BMP6: variants seen among roughly 807,000 people sequenced by gnomAD.
BMP6 encodes VG-1-R.
Under a neutral mutation model 54.1 loss-of-function variants are expected in BMP6, and 17 were observed. That is an observed-to-expected ratio of 0.31 (90% CI 0.22 to 0.47). The LOEUF (loss-of-function observed/expected upper bound fraction) is 0.47, where lower values mean the gene tolerates loss of function less well. Ranked by LOEUF, BMP6 falls within the 20% of genes least tolerant of loss-of-function variation. BMP6 has a pLI of 1.00. For missense variants in BMP6, 720 were observed against 690.4 expected (o/e 1.04, Z -0.48); for synonymous variants, 328 against 291.2 (o/e 1.13, Z -1.28).
intron 4 of BMP6, 113 bp from the exon 5 acceptor site, chr6:7,878,961 A>C: frequency 9.9e-7 from 1 of 1,011,494 alleles, no homozygotes; most frequent in Non-Finnish European, 1.5e-6. Context: ...TGTATCTAGG[A>C]GGCTATCCTG....
intron 2 of BMP6, among the ~76,000 whole-genome samples, chr6:7,845,913 A>G (rs1340986380): frequency 6.6e-6 from 1 of 152,194 alleles, no homozygotes; most frequent in East Asian, 1.9e-4. Flanking sequence ...AAGCATGTGC[A>G]TGGAGCTGCC....
At chr6:7,728,398 G>A (rs1200495134) in intron 1 of BMP6, among the ~76,000 whole-genome samples, 1 of 152,216 alleles carries the variant, frequency 6.6e-6, no homozygotes, top group East Asian at 1.9e-4. Flanking sequence ...TGGGCGCTGA[G>A]CTCCTCTGAA....
chr6:7,801,248 C>A (rs895654449), intron 1 of BMP6, among the ~76,000 whole-genome samples: 3 of 152,106 alleles, frequency 2.0e-5, no homozygotes, highest in Admixed American at 2.0e-4. Context: ...TTCCAAACTG[C>A]TTTGTTTACT....
chr6:7,799,977 A>G (rs1481046037), intron 1 of BMP6, among the ~76,000 whole-genome samples: 2 of 152,140 alleles, frequency 1.3e-5, no homozygotes, highest in African/African-American at 4.8e-5. Context: ...TCCTGAATTG[A>G]TGAAGTTCTA....
intron 1 of BMP6, among the ~76,000 whole-genome samples, chr6:7,810,825 C>A (rs1442427054): frequency 1.3e-5 from 2 of 152,158 alleles, no homozygotes; most frequent in Non-Finnish European, 2.9e-5. Flanking sequence ...TCTCTGCTAC[C>A]TAGGCCAACA....
Position 7,832,060 on chromosome 6 carries a change from G to T in BMP6, c.665-13080G>T, listed in dbSNP as rs1581267752. On this transcript the variant is annotated intron_variant, in intron 1 of 6. Coordinates refer to ENST00000283147, the MANE Select transcript of BMP6 (RefSeq NM_001718.6). ...AAGGTAGACACGCAAACAGCTGATC[G>T]TTTTGGTATAAGGTAGGGGTTTGAT... 1.3e-5 allele frequency among the ~76,000 whole-genome samples: 2 copies of T among 152,272 alleles called. 1 individual carries two copies. The highest frequency in any genetic ancestry group is 4.2e-4 in the South Asian group (2 of 4,818).
intron 1 of BMP6, among the ~76,000 whole-genome samples, chr6:7,751,016 AC>A (rs1376985023): frequency 6.6e-6 from 1 of 152,012 alleles, no homozygotes. Context: ...CTTGGCTACA[AC>A]CCAAAGTTTC....
chr6:7,843,111 A>G (rs971259020), intron 1 of BMP6, among the ~76,000 whole-genome samples: 1 of 152,192 alleles, frequency 6.6e-6, no homozygotes, highest in African/African-American at 2.4e-5. Flanking sequence ...CCTTGAGTGA[A>G]CTTCCCAACA....
intron 1 of BMP6, among the ~76,000 whole-genome samples, chr6:7,841,345 C>G (rs925014533): frequency 2.0e-5 from 3 of 152,158 alleles, no homozygotes; most frequent in African/African-American, 7.2e-5. Flanking sequence ...GAACTCAGCC[C>G]TCTCCCTTTC....
intron 1 of BMP6, among the ~76,000 whole-genome samples, chr6:7,743,893 G>A (rs766231197): frequency 1.3e-5 from 2 of 152,188 alleles, no homozygotes; most frequent in Non-Finnish European, 2.9e-5. Context: ...ATTCCACAAT[G>A]AATTCCTGTC....
At chr6:7,754,415 T>C (rs1389279529) in intron 1 of BMP6, among the ~76,000 whole-genome samples, 1 of 152,174 alleles carries the variant, frequency 6.6e-6, no homozygotes, top group Non-Finnish European at 1.5e-5. Flanking sequence ...AGCCCAAATC[T>C]TTACTGGCTT....
At chr6:7,861,951 T>C (rs1158693438) in intron 3 of BMP6, among the ~76,000 whole-genome samples, 1 of 152,170 alleles carries the variant, frequency 6.6e-6, no homozygotes, top group African/African-American at 2.4e-5. Flanking sequence ...AGGTTTGCAG[T>C]ACCCACTCCT....
In BMP6 at chr6:7,857,435, A is replaced by C. The variant is rs539160958; in HGVS notation, c.858-4016A>C. On this transcript the variant is annotated intron_variant, in intron 2 of 6. Coordinates refer to ENST00000283147, the MANE Select transcript of BMP6 (RefSeq NM_001718.6). ...AGGGTCTGAGTTAGTTGAGAACAAA[A>C]TAGTCAATAACTGCATTAAAAATTA... Among the ~76,000 whole-genome samples the C allele has an allele frequency of 3.3e-5, 5 of 152,334 alleles. No individual in the cohort carries two copies. In the South Asian group the frequency reaches 1.0e-3, roughly 32 times the overall value.
chr6:7,746,449 C>T (rs1043456496), intron 1 of BMP6, among the ~76,000 whole-genome samples: 1 of 152,130 alleles, frequency 6.6e-6, no homozygotes, highest in African/African-American at 2.4e-5. Context: ...TAACATCCCC[C>T]CTCCCGTTTA....
At chr6:7,778,207 G>A (rs974007488) in intron 1 of BMP6, among the ~76,000 whole-genome samples, 2 of 152,102 alleles carry the variant, frequency 1.3e-5, no homozygotes, top group African/African-American at 4.8e-5. Context: ...CAAAGCAGTG[G>A]GTGTACACAG....
Position 7,812,732 on chromosome 6 carries a change from GA to G in BMP6, c.665-32403del, listed in dbSNP as rs542216649. Among the ~76,000 whole-genome samples, 37 of 152,164 alleles carry G rather than the reference GA, an allele frequency of 2.4e-4. No individual in the cohort carries two copies. The South Asian group carries it at 7.5e-3, about 31-fold the overall frequency. On this transcript the variant is annotated intron_variant, in intron 1 of 6. Coordinates refer to ENST00000283147, the MANE Select transcript of BMP6 (RefSeq NM_001718.6). ...TGAATGTAAAATATGTAGAACACAT[GA>G]AAAAGAAACTGAGAAAGAACTATAA...
At chr6:7,842,246 T>A (rs1180942535) in intron 1 of BMP6, among the ~76,000 whole-genome samples, 1 of 152,214 alleles carries the variant, frequency 6.6e-6, no homozygotes, top group African/African-American at 2.4e-5. Context: ...CAAGGCCTCT[T>A]GTGCAGCTGC....
rs1214830452 is a variant in BMP6, at chr6:7,727,096, C to A, written c.141C>A (p.Gly47=). The A allele has an allele frequency of 7.3e-7, 1 of 1,363,578 alleles. No individual in the cohort carries two copies. The highest frequency in any genetic ancestry group is 3.4e-5 in the Admixed American group (1 of 29,290). 84.5% of individuals were successfully genotyped at this position (1,363,578 alleles called of 1,614,324 possible). A position where few individuals can be genotyped will look rare whatever the true frequency, so the allele number is the denominator to read the frequency against. ...AAAGGQLLGD[G]GSPGRTEQPP... is the part of the protein sequence containing the mutation. ...CCGGGGGGCAGCTGCTGGGGGACGG[C>A]GGGAGCCCCGGCCGCACGGAGCAGC... Residue 47 remains glycine, a synonymous_variant, in exon 1 of 7, where the codon GGC becomes GGA. Coordinates refer to ENST00000283147, the MANE Select transcript of BMP6 (RefSeq NM_001718.6).
chr6:7,835,284 G>A (rs1034480169), intron 1 of BMP6, among the ~76,000 whole-genome samples: 4 of 152,068 alleles, frequency 2.6e-5, no homozygotes, highest in African/African-American at 4.8e-5. Context: ...CACCAGGCCC[G>A]GCTAATTTTT....
Sources: allele counts gnomAD v4.1 joint callset (sites outside exome capture counted in the v4.1 genomes callset), GRCh38; gene constraint gnomAD v4.1.1; transcripts MANE v1.5; gene names NCBI Gene and HGNC (gene_info 2026-07-23, HGNC 2026-07-21).